The following HK1 variants were observed in gnomAD, a reference collection of about 807,000 sequenced individuals.
HK1 encodes hexokinase-1.
A neutral mutation model predicts 91.6 loss-of-function variants in HK1; 28 were observed. The ratio of observed to expected loss-of-function variants is 0.31; its 90% CI spans 0.23 to 0.42. The LOEUF is 0.42. Among genes scored for constraint, HK1 ranks in the 10% least tolerant of loss-of-function variants. The pLI is 1.00. For synonymous variants in HK1, 430 were observed against 468.1 expected, an observed-to-expected ratio of 0.92 and a Z score of 1.05; for missense variants, 770 against 1,219.8, an observed-to-expected ratio of 0.63 and a Z score of 5.49.
At chr10:69,358,738 C>T (rs976387683) in intron 2 of HK1, among the ~76,000 whole-genome samples, 2 of 152,112 alleles carry the variant, frequency 1.3e-5, no homozygotes, top group African/African-American at 4.8e-5. Flanking sequence ...TGGCGGATGC[C>T]TGTAATCCCA....
intron 4 of HK1, among the ~76,000 whole-genome samples, chr10:69,299,358 T>TTTG (rs1554879536): frequency 6.7e-6 from 1 of 149,166 alleles, no homozygotes; most frequent in African/African-American, 2.5e-5. Context: ...TGTTTGTGGT[T>TTTG]TTTGTTTGTT....
chr10:69,309,169 T>C (rs71478891), intron 5 of HK1, among the ~76,000 whole-genome samples: 1 of 151,364 alleles, frequency 6.6e-6, no homozygotes, highest in African/African-American at 2.4e-5. Context: ...CAAGACTTTG[T>C]CTCTTTTCTT....
intron 15 of HK1, 123 bp from the exon 16 acceptor site, chr10:69,394,827 G>T: frequency 1.1e-6 from 1 of 943,504 alleles, no homozygotes; most frequent in Non-Finnish European, 1.7e-6. Context: ...ACAGGGCTGG[G>T]CACATGGCTG....
At chr10:69,350,188 G>T (rs537133244) in intron 2 of HK1, among the ~76,000 whole-genome samples, 20 of 152,178 alleles carry the variant, frequency 1.3e-4, no homozygotes. Flanking sequence ...AATCACGATG[G>T]ACAAGATGGG....
rs78152370 is a variant in HK1, at chr10:69,302,255, G to GAA, written c.27+1403_27+1404dup. On this transcript the variant is annotated intron_variant, in intron 5 of 21. Coordinates refer to the HK1 transcript ENST00000360289. ...AGAGCAAAACTCCATCTCAAAAAAA[G>GAA]AAAAAAAAAACTTATAAAGCTACAG... 1.5e-4 allele frequency among the ~76,000 whole-genome samples: 21 copies of GAA among 144,190 alleles called. No individual in the cohort carries two copies. In the East Asian group the frequency reaches 3.9e-3, roughly 26 times the overall value. The allele number at this position is 144,190 out of a possible 152,430, so 94.6% of individuals were successfully genotyped here.
intron 7 of HK1, 140 bp from the exon 8 acceptor site, chr10:69,376,794 G>A (rs1839133570): frequency 2.8e-6 from 3 of 1,059,924 alleles, no homozygotes; most frequent in Admixed American, 1.7e-5. Flanking sequence ...AGTCACTCAA[G>A]CACATGGTTT....
At chr10:69,298,266 G>A (rs1007575135) in intron 4 of HK1, among the ~76,000 whole-genome samples, 1 of 151,756 alleles carries the variant, frequency 6.6e-6, no homozygotes, top group Admixed American at 6.6e-5. Flanking sequence ...TACGTATCAT[G>A]TTATTTGGGT....
chr10:69,367,713 G>A (rs1212785259), intron 4 of HK1, among the ~76,000 whole-genome samples: 1 of 151,802 alleles, frequency 6.6e-6, no homozygotes, highest in South Asian at 2.1e-4. Flanking sequence ...GCAGGCCTGC[G>A]GGGCCTGGAC....
intron 2 of HK1, among the ~76,000 whole-genome samples, chr10:69,349,829 C>T (rs1848757603): frequency 6.6e-6 from 1 of 152,196 alleles, no homozygotes; most frequent in Non-Finnish European, 1.5e-5. Flanking sequence ...TTGAACTAAC[C>T]TGGAAACCTT....
intron 1 of HK1, among the ~76,000 whole-genome samples, chr10:69,321,354 G>T (rs962113847): frequency 1.3e-5 from 2 of 152,182 alleles, no homozygotes; most frequent in African/African-American, 2.4e-5. Flanking sequence ...CTCTTCTGGG[G>T]CCCAGGATTT....
intron 7 of HK1, among the ~76,000 whole-genome samples, chr10:69,373,223 C>A (rs902504079): frequency 6.6e-6 from 1 of 152,158 alleles, no homozygotes; most frequent in Non-Finnish European, 1.5e-5. Context: ...GCTCTCAGTG[C>A]CCAAGTGGGC....
chr10:69,382,941 A>G, intron 10 of HK1, 150 bp downstream of exon 10: 1 of 743,424 alleles, frequency 1.3e-6, no homozygotes, highest in Non-Finnish European at 2.2e-6. Context: ...TCTGTTTTCC[A>G]TTTTTATTAA....
At chr10:69,389,965 G>A (rs1173819060) in intron 14 of HK1, among the ~76,000 whole-genome samples, 9 of 152,164 alleles carry the variant, frequency 5.9e-5, no homozygotes, top group Non-Finnish European at 8.8e-5. Flanking sequence ...CCTGCTCCTC[G>A]CGTCAGGGGA....
intron 2 of HK1, among the ~76,000 whole-genome samples, chr10:69,347,725 C>T (rs1848641053): frequency 6.6e-6 from 1 of 152,104 alleles, no homozygotes; most frequent in African/African-American, 2.4e-5. Flanking sequence ...TGAGCCACCA[C>T]GCCCGGTTTA....
rs56282804 is a variant in HK1 at position 69,336,435 on chromosome 10, C to T, written c.64-7392C>T. 7.0e-3 allele frequency among the ~76,000 whole-genome samples: 1,057 copies of T among 152,056 alleles called. 4 individuals are homozygous for T. The highest frequency in any genetic ancestry group is 0.012 in the Non-Finnish European group (793 of 67,994). On this transcript the variant is annotated intron_variant, in intron 1 of 17. Coordinates refer to ENST00000359426, the MANE Select transcript of HK1 (RefSeq NM_000188.3). Reference sequence around the variant, plus strand: ...TGAACTCCCGATCTCAGGTGATCCACCAGCCTCGGCCTCCCAAAGTGCTGG... The same window carrying T: ...TGAACTCCCGATCTCAGGTGATCCATCAGCCTCGGCCTCCCAAAGTGCTGG...
chr10:69,294,013 C>T (rs1252982169), intron 3 of HK1, among the ~76,000 whole-genome samples: 1 of 151,810 alleles, frequency 6.6e-6, no homozygotes, highest in Non-Finnish European at 1.5e-5. Context: ...AGGCGCCCAC[C>T]ACCACGCCCG....
upstream of HK1, chr10:69,316,124 C>T (rs528787231): frequency 2.3e-5 from 21 of 924,680 alleles, no homozygotes; most frequent in Middle Eastern, 2.5e-4. Context: ...GGAATATGAG[C>T]GGCGAACAAA....
chr10:69,390,888 T>C lies in HK1; in HGVS notation c.2036-1237T>C, dbSNP rs567372523. Among the ~76,000 whole-genome samples, 26 of 152,352 alleles carry C rather than the reference T, an allele frequency of 1.7e-4. No individual in the cohort carries two copies. The East Asian group carries it at 4.6e-3, about 27-fold the overall frequency. ...AAGCACTCTTCCTGGGTTAGTTGAT[T>C]GGTTTTTAAATGTCCAGTCTATTCA... is the stretch of plus-strand genomic sequence containing the variant. On this transcript the variant is annotated intron_variant, in intron 14 of 17. Coordinates refer to ENST00000359426, the MANE Select transcript of HK1 (RefSeq NM_000188.3).
chr10:69,391,533 T>C (rs1334649598), intron 14 of HK1, among the ~76,000 whole-genome samples: 1 of 152,156 alleles, frequency 6.6e-6, no homozygotes, highest in African/African-American at 2.4e-5. Context: ...GTCCAGCCAC[T>C]TGGAAGGCTG....
Sources: gnomAD v4.1 joint callset for allele counts (sites outside exome capture counted in the v4.1 genomes callset) on GRCh38, gnomAD v4.1.1 for gene constraint, MANE v1.5 for transcripts, NCBI Gene and HGNC (gene_info 2026-07-23, HGNC 2026-07-21) for gene names.